Variants in PCNX2 observed in about 807,000 individuals in gnomAD.
PCNX2 encodes pecanex 2, also known as pecanex-like protein 2.
In PCNX2, 168 loss-of-function variants were observed where a neutral mutation model predicts 223.8. The observed-to-expected ratio is 0.75, with a 90% CI of 0.66 to 0.85. The LOEUF is 0.85. PCNX2 is among the 40% of genes least tolerant of loss of function. The pLI is 0.00. For synonymous variants in PCNX2, 1,006 were observed against 1,052.6 expected, an observed-to-expected ratio of 0.96 and a Z score of 0.86; for missense variants, 2,507 against 2,675.5, an observed-to-expected ratio of 0.94 and a Z score of 1.39.
intron 21 of PCNX2, chr1:233,112,727 T>C (rs1285050257): frequency 2.6e-6 from 2 of 766,538 alleles, no homozygotes; most frequent in Non-Finnish European, 3.3e-6. Flanking sequence ...TATAACTAAA[T>C]TCACATATTT....
chr1:233,121,010 A>G (rs900331849), intron 21 of PCNX2, among the ~76,000 whole-genome samples: 8 of 152,120 alleles, frequency 5.3e-5, no homozygotes, highest in Admixed American at 5.2e-4. Context: ...ACAAAAGTCA[A>G]TTGCTTTCTC....
At chr1:233,146,584 T>G (rs1677461648) in intron 19 of PCNX2, among the ~76,000 whole-genome samples, 1 of 152,200 alleles carries the variant, frequency 6.6e-6, no homozygotes, top group South Asian at 2.1e-4. Flanking sequence ...TCAGCCTGCT[T>G]ATAAAAATAC....
At chr1:233,185,348 C>A (rs898065857) in intron 15 of PCNX2, among the ~76,000 whole-genome samples, 2 of 152,080 alleles carry the variant, frequency 1.3e-5, no homozygotes, top group African/African-American at 4.8e-5. Flanking sequence ...AAGAGACTTG[C>A]CCAAGGTGGT....
In PCNX2 at chr1:233,259,237, T is replaced by C; in HGVS notation, c.625A>G (p.Thr209Ala). Residue 209 changes from threonine (T) to alanine (A), a missense_variant, in exon 5 of 34, where the codon ACC becomes GCC. Coordinates refer to ENST00000258229, the MANE Select transcript of PCNX2 (RefSeq NM_014801.4). Reference protein sequence around the residue: ...ASQAHMLETTTKSVIPVKPVA... With the variant: ...ASQAHMLETTAKSVIPVKPVA... ...GGTTTTACAGGTATTACTGACTTGG[T>C]CGTGGTTTCCAGCATGTGTGCTTGA... The C allele has an allele frequency of 3.1e-6, 5 of 1,613,950 alleles. No individual in the cohort carries two copies. Among genetic ancestry groups the C allele is most frequent in the Non-Finnish European group, 3.4e-6 (4 of 1,179,874 alleles).
chr1:233,046,148 G>C (rs1671816551), intron 25 of PCNX2, among the ~76,000 whole-genome samples: 1 of 152,218 alleles, frequency 6.6e-6, no homozygotes, highest in African/African-American at 2.4e-5. Flanking sequence ...CTGAGAAAAA[G>C]TCAGAATCTA....
At chr1:233,231,993 A>G (rs969424882) in intron 9 of PCNX2, among the ~76,000 whole-genome samples, 30 of 152,218 alleles carry the variant, frequency 2.0e-4, no homozygotes, top group Admixed American at 1.4e-3. Flanking sequence ...ATCAAATATG[A>G]GAGTACCTAG....
chr1:233,061,388 C>T (rs1387861579), intron 23 of PCNX2, among the ~76,000 whole-genome samples: 1 of 152,208 alleles, frequency 6.6e-6, no homozygotes, highest in African/African-American at 2.4e-5. Flanking sequence ...TGGCACTCTG[C>T]TGTCACCACG....
chr1:233,299,030 G>A (rs762029585), upstream of PCNX2, among the ~76,000 whole-genome samples: 4 of 152,048 alleles, frequency 2.6e-5, no homozygotes, highest in African/African-American at 7.2e-5. Context: ...CCTGAATTTC[G>A]ATTTAAATCC....
intron 25 of PCNX2, among the ~76,000 whole-genome samples, chr1:233,039,817 T>C (rs775370424): frequency 1.3e-5 from 2 of 152,264 alleles, no homozygotes; most frequent in Admixed American, 6.5e-5. Flanking sequence ...TACCTGACAC[T>C]AAGGATAAGG....
In PCNX2 at chr1:232,991,942, C is replaced by G. The variant is rs1245806661; in HGVS notation, c.5792-5402G>C. Among the ~76,000 whole-genome samples the G allele has an allele frequency of 6.6e-6, 1 of 152,178 alleles. No homozygotes were observed. The highest frequency in any genetic ancestry group is 1.5e-5 in the Non-Finnish European group (1 of 68,034). On this transcript the variant is annotated intron_variant, in intron 32 of 33. Coordinates refer to ENST00000258229, the MANE Select transcript of PCNX2 (RefSeq NM_014801.4). This position sits in a 1 kb window ranked among gnomAD's most constrained non-coding sequence, Gnocchi z 4.3. ...CTCACACATTCTGAGCTGAAGCCAT[C>G]ATTCAACAGAAGAACAACGTGAACT...
chr1:233,187,161 C>T (rs1680149287), intron 15 of PCNX2, among the ~76,000 whole-genome samples: 2 of 152,234 alleles, frequency 1.3e-5, no homozygotes. Context: ...TGCTGCTTAA[C>T]ATTCACGACC....
At chr1:233,119,598 CAAAAACA>C (rs1675647080) in intron 21 of PCNX2, among the ~76,000 whole-genome samples, 3 of 139,104 alleles carry the variant, frequency 2.2e-5, no homozygotes, top group East Asian at 4.9e-4. Flanking sequence ...AAAAAAAAAA[CAAAAACA>C]AAAACAAAAC....
At chr1:233,240,488 T>C (rs1196997648) in intron 8 of PCNX2, among the ~76,000 whole-genome samples, 1 of 152,096 alleles carries the variant, frequency 6.6e-6, no homozygotes, top group African/African-American at 2.4e-5. Flanking sequence ...AAAACAATAA[T>C]GGAAATGGAA....
At chr1:233,077,492 C>A (rs1236690314) in intron 23 of PCNX2, among the ~76,000 whole-genome samples, 1 of 152,124 alleles carries the variant, frequency 6.6e-6, no homozygotes, top group East Asian at 1.9e-4. Context: ...AGTGAGTGCT[C>A]TACTATTCTG....
intron 1 of PCNX2, among the ~76,000 whole-genome samples, chr1:233,277,619 T>C (rs1168244552): frequency 6.6e-6 from 1 of 152,172 alleles, no homozygotes; most frequent in Admixed American, 6.5e-5. Context: ...TGTCCTATCT[T>C]GGCGTCAAGG....
At chr1:233,010,747 A>T (rs1034307837) in intron 28 of PCNX2, among the ~76,000 whole-genome samples, 1 of 152,228 alleles carries the variant, frequency 6.6e-6, no homozygotes, top group Non-Finnish European at 1.5e-5. Flanking sequence ...TCTCCATAAC[A>T]TATCAACATT....
chr1:233,022,481 G>A (rs2102828948), intron 26 of PCNX2, among the ~76,000 whole-genome samples: 1 of 152,212 alleles, frequency 6.6e-6, no homozygotes, highest in South Asian at 2.1e-4. Flanking sequence ...GAGGTTGGAA[G>A]AGAAGCTGCG....
At chr1:233,210,851 C>T (rs1288761326) in intron 12 of PCNX2, among the ~76,000 whole-genome samples, 1 of 152,152 alleles carries the variant, frequency 6.6e-6, no homozygotes, top group Non-Finnish European at 1.5e-5. Context: ...TCTTGCAAGG[C>T]TATTGCACAA....
intron 15 of PCNX2, among the ~76,000 whole-genome samples, chr1:233,195,120 T>C (rs1680649853): frequency 6.6e-6 from 1 of 150,544 alleles, no homozygotes; most frequent in Non-Finnish European, 1.5e-5. Context: ...AAAAAGGCAA[T>C]ATGGCATGAC....
Sources: allele counts gnomAD v4.1 joint callset (sites outside exome capture counted in the v4.1 genomes callset), GRCh38; gene constraint gnomAD v4.1.1; non-coding constraint Gnocchi (gnomAD v3.1); transcripts MANE v1.5; gene names NCBI Gene and HGNC (gene_info 2026-07-23, HGNC 2026-07-21).